Variants in PPFIA2 observed in about 807,000 individuals in gnomAD.
PPFIA2 encodes the protein PPFI scaffold protein A2.
A neutral mutation model predicts 175.5 loss-of-function variants in PPFIA2; 46 were observed. The ratio of observed to expected loss-of-function variants is 0.26; its 90% CI spans 0.21 to 0.34. PPFIA2 has a LOEUF of 0.34. PPFIA2 is among the 10% of genes least tolerant of loss of function. The probability of loss-of-function intolerance (pLI) is 1.00; values close to 1 mark genes in which losing one functional copy is unlikely to be tolerated. For synonymous variants in PPFIA2, 568 were observed against 511.4 expected (o/e 1.11, Z -1.49); for missense variants, 1,179 against 1,506.1 (o/e 0.78, Z 3.60).
At chr12:81,709,845 T>G (rs2077665317) in intron 3 of PPFIA2, among the ~76,000 whole-genome samples, 1 of 152,164 alleles carries the variant, frequency 6.6e-6, no homozygotes, top group Admixed American at 6.5e-5. Context: ...TCAGGATAAA[T>G]CCCTGTAAAT....
chr12:81,358,977 T>A (rs1167208046), intron 15 of PPFIA2, among the ~76,000 whole-genome samples: 2 of 152,054 alleles, frequency 1.3e-5, no homozygotes, highest in African/African-American at 2.4e-5. Flanking sequence ...AACATGGTAA[T>A]AAAGTACCCT....
intron 21 of PPFIA2, among the ~76,000 whole-genome samples, chr12:81,337,868 C>A (rs968668195): frequency 6.6e-6 from 1 of 152,092 alleles, no homozygotes; most frequent in African/African-American, 2.4e-5. Context: ...TAATGTCTGG[C>A]ATGTATATTT....
chr12:81,477,059 GGT>G (rs1156959522), intron 4 of PPFIA2, among the ~76,000 whole-genome samples: 1 of 152,010 alleles, frequency 6.6e-6, no homozygotes, highest in Non-Finnish European at 1.5e-5. Context: ...CTGTCTGGGT[GGT>G]AGCGGGGGAA....
rs142212994 is a variant in PPFIA2 at position 81,550,881 on chromosome 12, C to T, written c.304-93015G>A. Among the ~76,000 whole-genome samples the T allele has an allele frequency of 6.6e-5, 10 of 151,764 alleles. No individual in the cohort carries two copies. In the East Asian group the frequency reaches 9.7e-4, roughly 15 times the overall value. On this transcript the variant is annotated intron_variant, in intron 4 of 32. Transcript: ENST00000549396. ...AAGAATCTGAGATGGGAAGAGGTCT[C>T]AGAAGGAAATTGGAAGAACCAGGTG...
At chr12:81,312,447 C>T (rs1030594548) in intron 22 of PPFIA2, 8 of 418,890 alleles carry the variant, frequency 1.9e-5, no homozygotes, top group Non-Finnish European at 3.4e-5. Flanking sequence ...ACCACATTTT[C>T]CCAGCCTCGA....
chr12:81,658,037 G>A (rs10862336), intron 4 of PPFIA2, among the ~76,000 whole-genome samples: 74,524 of 151,904 alleles, frequency 0.49, 19,477 homozygotes, highest in Middle Eastern at 0.59. Context: ...GGGAGGCCGA[G>A]GCGTGTGGGT....
At chr12:81,642,417 A>T (rs1464025001) in intron 4 of PPFIA2, among the ~76,000 whole-genome samples, 1 of 151,304 alleles carries the variant, frequency 6.6e-6, no homozygotes, top group Admixed American at 6.6e-5. Flanking sequence ...GTAACAAAAG[A>T]ATTTTCTTGG....
chr12:81,356,495 A>AC (rs891794167), intron 16 of PPFIA2, among the ~76,000 whole-genome samples: 1 of 151,852 alleles, frequency 6.6e-6, no homozygotes, highest in Admixed American at 6.6e-5. Context: ...AAATCCCATC[A>AC]CTACAAAAAA....
intron 11 of PPFIA2, among the ~76,000 whole-genome samples, chr12:81,374,013 C>A (rs760916541): frequency 2.0e-5 from 3 of 151,908 alleles, no homozygotes; most frequent in Non-Finnish European, 4.4e-5. Flanking sequence ...CAGAATAGTT[C>A]TTTTTAACAT....
In PPFIA2 at chr12:81,743,800, CCTT is replaced by C. The variant is rs572317274; in HGVS notation, c.249+10170_249+10172del. Reference sequence around the variant, plus strand: ...GACAGCCAGCAGAATTTAGGCAGTGCCTTCTTATTTGCCATTATATATTCCTAG... The same window carrying C: ...GACAGCCAGCAGAATTTAGGCAGTGCCTTATTTGCCATTATATATTCCTAG... On this transcript the variant is annotated intron_variant, in intron 3 of 32. Coordinates refer to ENST00000549396, the MANE Select transcript of PPFIA2 (RefSeq NM_003625.5). Among the ~76,000 whole-genome samples the C allele has an allele frequency of 6.7e-3, 1,027 of 152,196 alleles. 8 individuals are homozygous for C. The highest frequency in any genetic ancestry group is 0.02 in the Middle Eastern group (6 of 294).
chr12:81,428,649 A>G (rs1274235723), intron 7 of PPFIA2, among the ~76,000 whole-genome samples: 2 of 152,046 alleles, frequency 1.3e-5, no homozygotes, highest in Admixed American at 1.3e-4. Context: ...GTCTTTGTAA[A>G]TAACTACTGG....
chr12:81,412,112 T>G, intron 7 of PPFIA2, among the ~76,000 whole-genome samples: 1 of 152,022 alleles, frequency 6.6e-6, no homozygotes, highest in Admixed American at 6.6e-5. Flanking sequence ...CCTTGGAGAC[T>G]TAAGGAAACA....
intron 30 of PPFIA2, 135 bp downstream of exon 30, chr12:81,266,817 C>A (rs1423098375): frequency 5.8e-6 from 4 of 685,912 alleles, no homozygotes; most frequent in Non-Finnish European, 1.0e-5. Context: ...TAACAACAAA[C>A]CTGGAGAAAA....
chr12:81,338,717 A>T (rs566835344), intron 21 of PPFIA2, among the ~76,000 whole-genome samples: 1 of 152,128 alleles, frequency 6.6e-6, no homozygotes, highest in African/African-American at 2.4e-5. Flanking sequence ...CAACAAAAAA[A>T]CCTTTAAATC....
intron 3 of PPFIA2, chr12:81,687,377 C>G (rs1301827739): frequency 1.3e-5 from 2 of 152,036 alleles, no homozygotes; most frequent in Non-Finnish European, 2.9e-5. Flanking sequence ...TGTTTCTGCA[C>G]CACGGATTCT....
chr12:81,513,119 A>T (rs2061992376), intron 4 of PPFIA2, among the ~76,000 whole-genome samples: 1 of 152,118 alleles, frequency 6.6e-6, no homozygotes, highest in Non-Finnish European at 1.5e-5. Context: ...TCAATAGAAG[A>T]TATACAAATG....
At chr12:81,470,860 A>G (rs529937983) in intron 4 of PPFIA2, among the ~76,000 whole-genome samples, 2 of 152,286 alleles carry the variant, frequency 1.3e-5, no homozygotes, top group East Asian at 1.9e-4. Context: ...GAACAAACTC[A>G]TCTTGCACAA....
At chr12:81,707,869 G>T (rs2077395461) in intron 3 of PPFIA2, among the ~76,000 whole-genome samples, 1 of 151,312 alleles carries the variant, frequency 6.6e-6, no homozygotes, top group Non-Finnish European at 1.5e-5. Flanking sequence ...CATGTCCTTT[G>T]TAGGGACATG....
chr12:81,689,169 A>C (rs1269062517), intron 3 of PPFIA2, among the ~76,000 whole-genome samples: 4 of 151,928 alleles, frequency 2.6e-5, no homozygotes, highest in Non-Finnish European at 5.9e-5. Context: ...TCAGATATGC[A>C]AAATTTGTGA....
Sources: gnomAD v4.1 joint callset for allele counts (sites outside exome capture counted in the v4.1 genomes callset) on GRCh38, gnomAD v4.1.1 for gene constraint, MANE v1.5 for transcripts, NCBI Gene and HGNC (gene_info 2026-07-23, HGNC 2026-07-21) for gene names.